PPP3CA: variants seen among roughly 807,000 people sequenced by gnomAD.
PPP3CA encodes protein phosphatase 3 catalytic subunit alpha, also known as CAM-PRP catalytic subunit.
PPP3CA carries 14 observed loss-of-function variants against 66.5 expected under a neutral mutation model. The observed-to-expected ratio is 0.21, with a 90% confidence interval of 0.14 to 0.33. PPP3CA has a LOEUF of 0.33. Ranked by LOEUF, PPP3CA falls within the 10% of genes least tolerant of loss-of-function variation. The probability of loss-of-function intolerance (pLI) is 1.00; values close to 1 mark genes in which losing one functional copy is unlikely to be tolerated. For synonymous variants in PPP3CA, 232 were observed against 226.2 expected (o/e 1.03, Z -0.23); for missense variants, 317 against 639.5 (o/e 0.50, Z 5.44).
At chr4:101,132,293 A>C (rs35170337) in intron 2 of PPP3CA, among the ~76,000 whole-genome samples, 14,846 of 152,130 alleles carry the variant, frequency 0.098, 939 homozygotes, top group Middle Eastern at 0.14. Flanking sequence ...AAAAACCTTC[A>C]AAAAAATCAG....
chr4:101,318,532 T>C (rs1728947826), intron 1 of PPP3CA, among the ~76,000 whole-genome samples: 1 of 152,166 alleles, frequency 6.6e-6, no homozygotes. Context: ...TTATGAATCA[T>C]GAAGTATTAA....
intron 1 of PPP3CA, among the ~76,000 whole-genome samples, chr4:101,276,415 AT>A (rs1023905146): frequency 3.3e-5 from 5 of 151,944 alleles, no homozygotes; most frequent in African/African-American, 9.7e-5. Context: ...AAACTATATT[AT>A]TTTTTTCTGA....
chr4:101,342,350 T>C (rs1177953166), intron 1 of PPP3CA, among the ~76,000 whole-genome samples: 3 of 152,158 alleles, frequency 2.0e-5, no homozygotes, highest in Non-Finnish European at 1.5e-5. Flanking sequence ...CCAGTCTCAA[T>C]TGTTGCATTA....
chr4:101,120,294 G>C (rs1413618480), intron 2 of PPP3CA, among the ~76,000 whole-genome samples: 1 of 152,048 alleles, frequency 6.6e-6, no homozygotes, highest in Non-Finnish European at 1.5e-5. Flanking sequence ...CGTTTCACTT[G>C]TGCTGCATTA....
intron 2 of PPP3CA, among the ~76,000 whole-genome samples, chr4:101,184,072 C>G (rs944692768): frequency 6.6e-6 from 1 of 152,114 alleles, no homozygotes; most frequent in Non-Finnish European, 1.5e-5. Context: ...TTCCACTGGT[C>G]TGTAATTTTA....
At chr4:101,264,996 G>A (rs1367659799) in intron 1 of PPP3CA, among the ~76,000 whole-genome samples, 2 of 152,144 alleles carry the variant, frequency 1.3e-5, no homozygotes, top group Admixed American at 6.6e-5. Flanking sequence ...TTCAGCTCTG[G>A]TCTAGACGAT....
chr4:101,346,734 C>G lies in PPP3CA; in HGVS notation c.58+5G>C. 1 of 1,610,786 alleles carries G rather than the reference C, an allele frequency of 6.2e-7. No homozygotes were observed. The highest frequency in any genetic ancestry group is 1.1e-5 in the South Asian group (1 of 90,480). On this transcript the variant is annotated splice_donor_5th_base_variant and intron_variant, in intron 1 of 13. Coordinates refer to ENST00000394854, the MANE Select transcript of PPP3CA (RefSeq NM_000944.5). ...GCACCCAGGCCACCGCGGCGCTCCG[C>G]TTACCTTTCACCACCCTGTCGGTCG...
chr4:101,318,338 G>T (rs750747334), intron 1 of PPP3CA, among the ~76,000 whole-genome samples: 9 of 152,104 alleles, frequency 5.9e-5, no homozygotes, highest in Non-Finnish European at 1.3e-4. Context: ...ATTCCTTTTA[G>T]AAAGTAAAAA....
intron 1 of PPP3CA, among the ~76,000 whole-genome samples, chr4:101,271,321 A>G (rs771014108): frequency 5.3e-5 from 8 of 152,072 alleles, no homozygotes; most frequent in Non-Finnish European, 1.2e-4. Flanking sequence ...GATTCAACCA[A>G]TAAGAACTGA....
chr4:101,188,754 G>A (rs1211694841), intron 2 of PPP3CA, among the ~76,000 whole-genome samples: 1 of 152,070 alleles, frequency 6.6e-6, no homozygotes, highest in Non-Finnish European at 1.5e-5. Context: ...AATGCTCAGT[G>A]ATGCTGCTGG....
At chr4:101,120,443 G>A (rs533811185) in intron 2 of PPP3CA, among the ~76,000 whole-genome samples, 24 of 152,060 alleles carry the variant, frequency 1.6e-4, no homozygotes, top group African/African-American at 5.5e-4. Context: ...AACTCCTACG[G>A]GTTTAGGCCT....
intron 2 of PPP3CA, among the ~76,000 whole-genome samples, chr4:101,117,028 C>A (rs1486969252): frequency 6.6e-6 from 1 of 151,404 alleles, no homozygotes; most frequent in South Asian, 2.1e-4. Context: ...GCTATAAAAT[C>A]AAATACAAAA....
At chr4:101,057,098 A>G (rs1450508524) in intron 10 of PPP3CA, among the ~76,000 whole-genome samples, 1 of 151,398 alleles carries the variant, frequency 6.6e-6, no homozygotes, top group Non-Finnish European at 1.5e-5. Context: ...TGTGTCACCC[A>G]GGTTGGAGTG....
At chr4:101,056,860 C>T (rs1728246151) in intron 10 of PPP3CA, among the ~76,000 whole-genome samples, 1 of 150,632 alleles carries the variant, frequency 6.6e-6, no homozygotes, top group South Asian at 2.1e-4. Context: ...AAACAACTCA[C>T]TTCAATATAC....
At chr4:101,048,684 C>T (rs776357866) in intron 10 of PPP3CA, among the ~76,000 whole-genome samples, 5 of 152,010 alleles carry the variant, frequency 3.3e-5, no homozygotes, top group Non-Finnish European at 5.9e-5. Context: ...GATCCTAACT[C>T]TATTACCTAT....
chr4:101,316,110 C>G (rs1055228456), intron 1 of PPP3CA, among the ~76,000 whole-genome samples: 2 of 151,972 alleles, frequency 1.3e-5, no homozygotes, highest in African/African-American at 4.8e-5. Flanking sequence ...ACTTATCACA[C>G]AGACTCACGT....
chr4:101,285,528 C>T (rs770646720), intron 1 of PPP3CA, among the ~76,000 whole-genome samples: 2 of 151,596 alleles, frequency 1.3e-5, no homozygotes, highest in Admixed American at 6.6e-5. Flanking sequence ...TCATCTGAAA[C>T]AAAGAGATAC....
intron 1 of PPP3CA, among the ~76,000 whole-genome samples, chr4:101,318,828 T>C (rs1728956262): frequency 1.3e-5 from 2 of 152,150 alleles, no homozygotes; most frequent in Non-Finnish European, 1.5e-5. Flanking sequence ...AGAATTCTAA[T>C]AGCTCAAAGT....
chr4:101,201,184 A>C (rs1186365593), intron 1 of PPP3CA, among the ~76,000 whole-genome samples: 1 of 152,204 alleles, frequency 6.6e-6, no homozygotes, highest in South Asian at 2.1e-4. Context: ...AGAACATTTA[A>C]AATTGCTTAT....
Sources: gnomAD v4.1 joint callset for allele counts (sites outside exome capture counted in the v4.1 genomes callset) on GRCh38, gnomAD v4.1.1 for gene constraint, MANE v1.5 for transcripts, NCBI Gene and HGNC (gene_info 2026-07-23, HGNC 2026-07-21) for gene names.